The following TRDN variants were observed in gnomAD, a reference collection of about 807,000 sequenced individuals.
The protein encoded by TRDN is triadin.
Under a neutral mutation model 149.7 loss-of-function variants are expected in TRDN, and 161 were observed. That is an observed-to-expected ratio of 1.08 (90% CI 0.95 to 1.23). The LOEUF is 1.23. Among genes scored for constraint, TRDN ranks in the 50% most tolerant of loss-of-function variants. TRDN has a pLI of 0.00. For synonymous variants in TRDN, 294 were observed against 250.5 expected (o/e 1.17, Z -1.64); for missense variants, 896 against 823.5 (o/e 1.09, Z -1.08).
chr6:123,278,760 C>T (rs937005192), intron 25 of TRDN, among the ~76,000 whole-genome samples: 1 of 152,130 alleles, frequency 6.6e-6, no homozygotes, highest in African/African-American at 2.4e-5. Context: ...CAGAGTGAGA[C>T]TCTGTCTCAA....
intron 12 of TRDN, among the ~76,000 whole-genome samples, chr6:123,397,456 A>C (rs1772780156): frequency 6.6e-6 from 1 of 152,126 alleles, no homozygotes; most frequent in Admixed American, 6.5e-5. Context: ...ATTGATTGTC[A>C]CTTATTCAAC....
rs1440260692 is a variant in TRDN at position 123,571,148 on chromosome 6, G to A, written c.23-16C>T. On this transcript the variant is annotated splice_polypyrimidine_tract_variant and intron_variant, in intron 1 of 40. Coordinates refer to ENST00000334268, the MANE Select transcript of TRDN (RefSeq NM_006073.4). ...GATGCATTTCCTAATCAAACATTCA[G>A]AAAGGAAAATATAATTTAGAGATTC... The A allele has an allele frequency of 6.2e-7, 1 of 1,612,146 alleles. No homozygotes were observed. Among genetic ancestry groups the A allele is most frequent in the East Asian group, 2.2e-5 (1 of 44,848 alleles).
rs144706313 is a variant in TRDN at position 123,629,892 on chromosome 6, T to C, written c.22+6862A>G. On this transcript the variant is annotated intron_variant, in intron 1 of 40. Transcript: ENST00000334268. Reference sequence around the variant, plus strand: ...TTTGGTTTCCTTTGAAGATAAAAATTACTATCTGTTTGGACCAGGAAGTTC... The same window carrying C: ...TTTGGTTTCCTTTGAAGATAAAAATCACTATCTGTTTGGACCAGGAAGTTC... 4.6e-5 allele frequency among the ~76,000 whole-genome samples: 7 copies of C among 152,198 alleles called. No homozygotes were observed. The East Asian group carries it at 1.2e-3, about 25-fold the overall frequency.
chr6:123,395,325 AG>A (rs1302673935), intron 12 of TRDN, among the ~76,000 whole-genome samples: 1 of 151,982 alleles, frequency 6.6e-6, no homozygotes, highest in African/African-American at 2.4e-5. Context: ...TGCTTTTCCT[AG>A]GGCCTTATCA....
chr6:123,297,141 C>T (rs9388209), intron 24 of TRDN, among the ~76,000 whole-genome samples: 27,008 of 151,832 alleles, frequency 0.18, 3,311 homozygotes, highest in East Asian at 0.61. Flanking sequence ...GCTAAGTTTT[C>T]GAGGCACCCA....
chr6:123,373,582 T>C (rs951545773), intron 19 of TRDN, among the ~76,000 whole-genome samples: 10 of 152,176 alleles, frequency 6.6e-5, no homozygotes, highest in African/African-American at 2.4e-4. Context: ...AACAATCCCA[T>C]ACTACAAACT....
chr6:123,486,771 C>T (rs1236461910), intron 9 of TRDN, among the ~76,000 whole-genome samples: 1 of 151,908 alleles, frequency 6.6e-6, no homozygotes, highest in Non-Finnish European at 1.5e-5. Flanking sequence ...AGGGCAGGTA[C>T]CATACATATT....
intron 12 of TRDN, among the ~76,000 whole-genome samples, chr6:123,396,038 A>G (rs1772711870): frequency 6.6e-6 from 1 of 152,196 alleles, no homozygotes; most frequent in Non-Finnish European, 1.5e-5. Flanking sequence ...TGCAAAGAAG[A>G]TCAGATTTGA....
intron 24 of TRDN, among the ~76,000 whole-genome samples, chr6:123,301,315 A>G (rs185260491): frequency 6.6e-6 from 1 of 152,114 alleles, no homozygotes; most frequent in Admixed American, 6.6e-5. Context: ...TTGAAGTAAA[A>G]GATAACTATC....
At chr6:123,239,015 T>C (rs922456067) in intron 38 of TRDN, among the ~76,000 whole-genome samples, 29 of 152,024 alleles carry the variant, frequency 1.9e-4, no homozygotes, top group South Asian at 6.2e-4. Flanking sequence ...TAATTTTTTG[T>C]ATTTTAGTAG....
intron 2 of TRDN, among the ~76,000 whole-genome samples, chr6:123,561,881 G>A (rs560882577): frequency 1.3e-4 from 20 of 151,590 alleles, no homozygotes; most frequent in Middle Eastern, 3.4e-3. Context: ...AAAAATTTTC[G>A]TCGCCCCAAC....
chr6:123,519,017 C>A (rs1312144152), intron 5 of TRDN, among the ~76,000 whole-genome samples: 2 of 152,174 alleles, frequency 1.3e-5, no homozygotes, highest in East Asian at 1.9e-4. Context: ...GAGCCCACAA[C>A]CAGGAGTTTT....
intron 38 of TRDN, among the ~76,000 whole-genome samples, chr6:123,248,068 C>A (rs1189119580): frequency 3.3e-5 from 5 of 151,918 alleles, no homozygotes; most frequent in Non-Finnish European, 7.4e-5. Context: ...GAAACTGGAC[C>A]CCTTCCTTAC....
intron 21 of TRDN, chr6:123,349,573 A>G (rs965788966): frequency 2.3e-6 from 2 of 882,390 alleles, no homozygotes; most frequent in Admixed American, 6.2e-5. Context: ...TAAGCAAATA[A>G]TTAAATACAA....
At chr6:123,295,684 A>G (rs571214778) in intron 24 of TRDN, among the ~76,000 whole-genome samples, 1 of 152,132 alleles carries the variant, frequency 6.6e-6, no homozygotes, top group African/African-American at 2.4e-5. Context: ...TTATTTATCA[A>G]TTAACGTGGT....
At chr6:123,583,981 CT>C in intron 1 of TRDN, 1 of 214,830 alleles carries the variant, frequency 4.7e-6, no homozygotes, top group Non-Finnish European at 9.4e-6. Context: ...GGGATAGTGG[CT>C]TGTACTATAG....
intron 21 of TRDN, chr6:123,350,141 G>A (rs1780404056): frequency 1.0e-6 from 1 of 972,218 alleles, no homozygotes; most frequent in East Asian, 1.1e-4. Context: ...ATTTATTCTT[G>A]ATGGTTAGTA....
At chr6:123,308,980 T>C (rs1778715589) in intron 24 of TRDN, among the ~76,000 whole-genome samples, 1 of 152,076 alleles carries the variant, frequency 6.6e-6, no homozygotes, top group Admixed American at 6.6e-5. Flanking sequence ...TCAATGTTAA[T>C]TAATTTAATG....
At chr6:123,598,439 C>T (rs972484299) in intron 1 of TRDN, among the ~76,000 whole-genome samples, 17 of 152,180 alleles carry the variant, frequency 1.1e-4, no homozygotes, top group Non-Finnish European at 1.0e-4. Flanking sequence ...TTGCACACTA[C>T]GTTTAAGAAA....
Sources: gnomAD v4.1 joint callset for allele counts (sites outside exome capture counted in the v4.1 genomes callset) on GRCh38, gnomAD v4.1.1 for gene constraint, MANE v1.5 for transcripts, NCBI Gene and HGNC (gene_info 2026-07-23, HGNC 2026-07-21) for gene names.